Variants in TJP2 observed in about 807,000 individuals in gnomAD.
TJP2 encodes Friedreich ataxia region gene X104 (tight junction protein ZO-2).
In TJP2, 91 loss-of-function variants were observed where a neutral mutation model predicts 133.1. The observed-to-expected ratio is 0.68, with a 90% CI of 0.58 to 0.81. The LOEUF is 0.81. TJP2 is among the 40% of genes least tolerant of loss of function. The pLI is 0.00. For missense variants in TJP2, 1,541 were observed against 1,565.6 expected, an observed-to-expected ratio of 0.98 and a Z score of 0.26; for synonymous variants, 592 against 583.4, an observed-to-expected ratio of 1.01 and a Z score of -0.21.
intron 2 of TJP2, among the ~76,000 whole-genome samples, chr9:69,154,194 T>C (rs1421104383): frequency 6.6e-6 from 1 of 152,220 alleles, no homozygotes; most frequent in Non-Finnish European, 1.5e-5. Context: ...AAGACTTAAC[T>C]CCTTAACTCA....
At position 69,122,736 on chromosome 9, in the gene TJP2, C is replaced by T. The variant is rs569887982; in HGVS notation, c.-131+1011C>T. On this transcript the variant is annotated intron_variant, in intron 1 of 5. Coordinates refer to the TJP2 transcript ENST00000423935. ...TGCGCAACTGAGTATCTCAACTATC[C>T]TTATTGTCTGTGGCTACTTCCCAGT... is the stretch of plus-strand genomic sequence containing the variant. Among the ~76,000 whole-genome samples the T allele has an allele frequency of 2.6e-5, 4 of 152,232 alleles. No homozygotes were observed. The South Asian group carries it at 8.3e-4, about 32-fold the overall frequency.
At chr9:69,149,918 G>C (rs769484247) in intron 1 of TJP2, among the ~76,000 whole-genome samples, 5 of 152,194 alleles carry the variant, frequency 3.3e-5, no homozygotes, top group Admixed American at 6.5e-5. Flanking sequence ...AGGAGGCCAA[G>C]GTGGATGGAT....
At chr9:69,250,418 A>T (rs1831248025) in intron 20 of TJP2, among the ~76,000 whole-genome samples, 1 of 152,238 alleles carries the variant, frequency 6.6e-6, no homozygotes, top group Non-Finnish European at 1.5e-5. Context: ...TCAATAATTT[A>T]GATGAGAAGA....
chr9:69,134,715 G>A (rs1014971708), intron 1 of TJP2, among the ~76,000 whole-genome samples: 1 of 152,204 alleles, frequency 6.6e-6, no homozygotes, highest in Non-Finnish European at 1.5e-5. Context: ...TACGACCTGT[G>A]TCTTAGTCAG....
chr9:69,211,343 A>G (rs1209002497), intron 1 of TJP2, among the ~76,000 whole-genome samples: 1 of 152,122 alleles, frequency 6.6e-6, no homozygotes, highest in Non-Finnish European at 1.5e-5. Flanking sequence ...TCTCAAACAA[A>G]ACAAAACAAA....
chr9:69,152,966 A>G (rs1823558991), intron 2 of TJP2, among the ~76,000 whole-genome samples: 1 of 151,132 alleles, frequency 6.6e-6, no homozygotes, highest in African/African-American at 2.4e-5. Context: ...GCTCATACCT[A>G]TAATCCCACT....
Position 69,226,093 on chromosome 9 carries a change from A to C in TJP2, c.1128A>C (p.Lys376Asn). ...ARKLIEKSRG[K>N]LQLVVLRDSQ... ...AATTGATAGAAAAGTCAAGAGGAAA[A>C]CTACAGCTAGTGGTGTTGAGAGACA... The change falls in exon 7 of 23, where the codon AAA becomes AAC. Residue 376 changes from lysine to asparagine, a missense_variant. Physicochemically the swap from Lys to Asn is moderately conservative, Grantham distance 94. Transcript: ENST00000377245. 1 of 1,614,174 alleles carries C rather than the reference A, an allele frequency of 6.2e-7. No homozygotes were observed. Among genetic ancestry groups the C allele is most frequent in the Non-Finnish European group, 8.5e-7 (1 of 1,180,018 alleles).
chr9:69,205,953 A>T (rs1394989981), intron 1 of TJP2, among the ~76,000 whole-genome samples: 2 of 152,216 alleles, frequency 1.3e-5, no homozygotes, highest in Non-Finnish European at 2.9e-5. Flanking sequence ...CTATCTGGCC[A>T]AGATTTTTCA....
intron 1 of TJP2, among the ~76,000 whole-genome samples, chr9:69,130,641 C>T (rs1450883912): frequency 6.6e-6 from 1 of 152,078 alleles, no homozygotes; most frequent in Non-Finnish European, 1.5e-5. Flanking sequence ...AGGGGCCGGG[C>T]TTGAGGCTGG....
intron 1 of TJP2, among the ~76,000 whole-genome samples, chr9:69,200,174 G>T (rs1412579336): frequency 2.0e-5 from 3 of 151,764 alleles, no homozygotes; most frequent in African/African-American, 7.3e-5. Flanking sequence ...TACTCGCAAT[G>T]TCTTGAACAC....
intron 1 of TJP2, among the ~76,000 whole-genome samples, chr9:69,131,005 G>A (rs1322225847): frequency 3.3e-5 from 5 of 152,194 alleles, no homozygotes; most frequent in Non-Finnish European, 5.9e-5. Flanking sequence ...GCAGTGGGAT[G>A]TGCTGCTTGT....
At chr9:69,184,874 C>CT (rs1362728652) in intron 1 of TJP2, among the ~76,000 whole-genome samples, 2 of 151,094 alleles carry the variant, frequency 1.3e-5, no homozygotes, top group Non-Finnish European at 2.9e-5. Context: ...CCTCAGCCTC[C>CT]GATTAGCTGT....
intron 5 of TJP2, among the ~76,000 whole-genome samples, chr9:69,222,116 C>T (rs1828923326): frequency 6.6e-6 from 1 of 151,628 alleles, no homozygotes; most frequent in Non-Finnish European, 1.5e-5. Flanking sequence ...AGGTGATCTG[C>T]CCACTGCAGC....
At chr9:69,224,729 C>T (rs1196460473) in intron 5 of TJP2, among the ~76,000 whole-genome samples, 1 of 152,086 alleles carries the variant, frequency 6.6e-6, no homozygotes, top group Non-Finnish European at 1.5e-5. Context: ...AACATATAAC[C>T]TTCATCTAGT....
rs575782360 is a variant in TJP2 at position 69,226,047 on chromosome 9, T to C, written c.1082T>C (p.Met361Thr). The change falls in exon 7 of 23, where the codon ATG becomes ACG. Residue 361 changes from methionine (M) to threonine (T), a missense_variant. By Grantham distance (81) the Met-to-Thr change is moderately conservative. Transcript: ENST00000377245. The stretch of plus-strand genomic sequence containing the variant: ...ATCAATGGGACTGTAACTGAGAACA[T>C]GTCTTTAACGGATGCTCGAAAATTG... ...LKINGTVTEN[M>T]SLTDARKLIE... The C allele has an allele frequency of 8.7e-6, 14 of 1,614,168 alleles. No homozygotes were observed. Among genetic ancestry groups the C allele is most frequent in the Non-Finnish European group, 1.2e-5 (14 of 1,180,024 alleles).
At chr9:69,241,900 C>G (rs1830601410) in intron 17 of TJP2, among the ~76,000 whole-genome samples, 1 of 152,208 alleles carries the variant, frequency 6.6e-6, no homozygotes, top group Admixed American at 6.5e-5. Flanking sequence ...TCACGTAATG[C>G]AGCCCTTCCT....
At chr9:69,169,556 C>T (rs113878702), upstream of TJP2, among the ~76,000 whole-genome samples, 2 of 151,884 alleles carry the variant, frequency 1.3e-5, no homozygotes, top group Non-Finnish European at 2.9e-5. Context: ...GACGGGGTTT[C>T]ACCATGTTAG....
chr9:69,157,080 G>T lies in TJP2; in HGVS notation c.-10+5309G>T, dbSNP rs551767881. Among the ~76,000 whole-genome samples, 14 of 152,262 alleles carry T rather than the reference G, an allele frequency of 9.2e-5. No homozygotes were observed. The East Asian group carries it at 2.7e-3, about 29-fold the overall frequency. On this transcript the variant is annotated intron_variant, in intron 2 of 5. Transcript: ENST00000423935. Reference sequence around the variant, plus strand: ...TGTCCAACCCCCACTTCCCTTCATGGCCTGAACCAGTCTTTCAGGTTAAAT... The same window carrying T: ...TGTCCAACCCCCACTTCCCTTCATGTCCTGAACCAGTCTTTCAGGTTAAAT...
chr9:69,174,160 C>A (rs1195046146), upstream of TJP2: 2 of 1,274,222 alleles, frequency 1.6e-6, no homozygotes, highest in Non-Finnish European at 2.0e-6. Flanking sequence ...GGCCGGGCGG[C>A]CAGCGCGGAG....
Sources: gnomAD v4.1 joint callset for allele counts (sites outside exome capture counted in the v4.1 genomes callset) on GRCh38, gnomAD v4.1.1 for gene constraint, MANE v1.5 for transcripts, NCBI Gene and HGNC (gene_info 2026-07-23, HGNC 2026-07-21) for gene names.